Variants in BCL2L13 observed in about 807,000 individuals in gnomAD.
BCL2L13 encodes BCL2 like 13.
A neutral mutation model predicts 25.8 loss-of-function variants in BCL2L13; 13 were observed. The observed-to-expected ratio is 0.50, with a 90% CI of 0.33 to 0.80. The LOEUF (loss-of-function observed/expected upper bound fraction) is 0.80, where lower values mean the gene tolerates loss of function less well. BCL2L13 is among the 30% of genes least tolerant of loss of function. The pLI, the probability that BCL2L13 is intolerant of heterozygous loss-of-function variation, is 0.02. For synonymous variants in BCL2L13, 244 were observed against 230.3 expected (o/e 1.06, Z -0.54); for missense variants, 504 against 574.9 (o/e 0.88, Z 1.26).
chr22:17,671,147 C>T (rs989179241), intron 2 of BCL2L13, among the ~76,000 whole-genome samples: 5 of 152,082 alleles, frequency 3.3e-5, no homozygotes, highest in African/African-American at 1.2e-4. Context: ...GTAATGCCAA[C>T]ACTTTGGGAG....
At chr22:17,652,187 A>G (rs1161975514) in intron 1 of BCL2L13, among the ~76,000 whole-genome samples, 1 of 152,120 alleles carries the variant, frequency 6.6e-6, no homozygotes, top group Non-Finnish European at 1.5e-5. Context: ...TGCTTAAAAC[A>G]CATTAAGCAA....
intron 1 of BCL2L13, 150 bp downstream of exon 1, chr22:17,639,036 T>G (rs1482742118): frequency 7.8e-6 from 5 of 643,820 alleles, no homozygotes; most frequent in Non-Finnish European, 1.1e-5. Flanking sequence ...ACACCGGCGC[T>G]CCTTCGCCCG....
intron 2 of BCL2L13, among the ~76,000 whole-genome samples, chr22:17,682,100 T>C (rs5992787): frequency 0.092 from 13,986 of 152,064 alleles, 768 homozygotes; most frequent in Non-Finnish European, 0.11. Context: ...ACAGAGGTAC[T>C]GCTTTCAGGC....
intron 2 of BCL2L13, among the ~76,000 whole-genome samples, chr22:17,679,290 A>G (rs184546593): frequency 0.01 from 441 of 42,904 alleles, 5 homozygotes; most frequent in African/African-American, 0.047. Flanking sequence ...TTTTTTTTTG[A>G]GACAGTTTCA....
intron 6 of BCL2L13, among the ~76,000 whole-genome samples, chr22:17,707,070 A>C (rs775726627): frequency 3.3e-5 from 5 of 152,184 alleles, no homozygotes; most frequent in Non-Finnish European, 7.4e-5. Flanking sequence ...TTAGGTTAAT[A>C]ATTTGTTAGA....
chr22:17,684,906 G>A (rs2059871696), intron 3 of BCL2L13, among the ~76,000 whole-genome samples: 1 of 151,962 alleles, frequency 6.6e-6, no homozygotes, highest in Non-Finnish European at 1.5e-5. Context: ...CTAATTTTTT[G>A]TATTTTTAGT....
At chr22:17,637,134 C>T (rs572153119), upstream of BCL2L13, among the ~76,000 whole-genome samples, 11 of 151,792 alleles carry the variant, frequency 7.2e-5, no homozygotes, top group East Asian at 2.2e-3. Flanking sequence ...AAGCCAGGCA[C>T]GGTGGCTCAC....
At chr22:17,704,876 CTG>C (rs993452932) in intron 6 of BCL2L13, among the ~76,000 whole-genome samples, 51 of 151,700 alleles carry the variant, frequency 3.4e-4, no homozygotes, top group Non-Finnish European at 6.3e-4. Flanking sequence ...TATAAATACA[CTG>C]TGAGTTACTA....
chr22:17,696,581 A>AAGTG (rs2060271245), intron 5 of BCL2L13, among the ~76,000 whole-genome samples: 1 of 152,166 alleles, frequency 6.6e-6, no homozygotes, highest in Non-Finnish European at 1.5e-5. Flanking sequence ...GTTCTCTTAG[A>AAGTG]TGAATAATAC....
chr22:17,691,276 CTCTCTCCACAAAA>C (rs1447919133), intron 4 of BCL2L13, among the ~76,000 whole-genome samples: 2 of 152,182 alleles, frequency 1.3e-5, no homozygotes, highest in African/African-American at 4.8e-5. Flanking sequence ...TGCTTCACTC[CTCTCTCCACAAAA>C]ATGTAAAAGT....
In BCL2L13 at chr22:17,727,826, T is replaced by G; in HGVS notation, c.*292T>G. The G allele has an allele frequency of 4.6e-6, 2 of 431,624 alleles. No homozygotes were observed. The highest frequency in any genetic ancestry group is 8.6e-6 in the Non-Finnish European group (2 of 233,434). 26.7% of individuals were successfully genotyped at this position (431,624 alleles called of 1,614,324 possible). A position where few individuals can be genotyped will look rare whatever the true frequency, so the allele number is the denominator to read the frequency against. On this transcript the variant is annotated 3_prime_UTR_variant, in exon 7 of 7. Coordinates refer to ENST00000317582, the MANE Select transcript of BCL2L13 (RefSeq NM_015367.4). ...CTTGGCACTAGTGCTGTTCTGACCA[T>G]TCTCTGTGTTGGGGCTGTCCTGTGT...
chr22:17,649,389 G>A (rs779600217), intron 1 of BCL2L13, among the ~76,000 whole-genome samples: 9 of 152,048 alleles, frequency 5.9e-5, no homozygotes, highest in East Asian at 1.9e-4. Context: ...GAGCCATCAC[G>A]CCGGGCCAAT....
chr22:17,692,426 A>G (rs1473837195), intron 4 of BCL2L13: 1 of 152,224 alleles, frequency 6.6e-6, no homozygotes, highest in Non-Finnish European at 1.5e-5. Flanking sequence ...CAGCAGCACC[A>G]AACAGTTCAG....
intron 3 of BCL2L13, among the ~76,000 whole-genome samples, chr22:17,687,040 C>T (rs529435864): frequency 1.3e-5 from 2 of 151,904 alleles, no homozygotes; most frequent in South Asian, 4.2e-4. Context: ...ACTTTGCAGC[C>T]ATTTGCATCT....
intron 1 of BCL2L13, among the ~76,000 whole-genome samples, chr22:17,652,084 T>C (rs5747309): frequency 0.84 from 128,302 of 152,222 alleles, 54,153 homozygotes; most frequent in East Asian, 0.94. Context: ...CCTCAACTTA[T>C]GGTGGGGTTA....
intron 6 of BCL2L13, chr22:17,706,637 C>T: frequency 8.0e-7 from 1 of 1,252,930 alleles, no homozygotes; most frequent in South Asian, 1.4e-5. Context: ...ATCACCATTT[C>T]CTCTTAGTTT....
chr22:17,663,702 G>C (rs980007555), intron 2 of BCL2L13, among the ~76,000 whole-genome samples: 1 of 11,576 alleles, frequency 8.6e-5, no homozygotes, highest in Non-Finnish European at 2.1e-4. Context: ...TTTTTTTTTT[G>C]AGATGGAGTC....
At chr22:17,673,688 A>G (rs1055364775) in intron 2 of BCL2L13, among the ~76,000 whole-genome samples, 1 of 151,090 alleles carries the variant, frequency 6.6e-6, no homozygotes. Context: ...TATTTCTTTT[A>G]CCTTTTGTCA....
intron 1 of BCL2L13, among the ~76,000 whole-genome samples, chr22:17,650,180 A>G (rs2058635832): frequency 6.6e-6 from 1 of 151,868 alleles, no homozygotes; most frequent in South Asian, 2.1e-4. Context: ...GACTCTTCTT[A>G]TTTTCATTCT....
Sources: allele counts gnomAD v4.1 joint callset (sites outside exome capture counted in the v4.1 genomes callset), GRCh38; gene constraint gnomAD v4.1.1; transcripts MANE v1.5; gene names NCBI Gene and HGNC (gene_info 2026-07-23, HGNC 2026-07-21).